The following ATG7 variants were observed in gnomAD, a reference collection of about 807,000 sequenced individuals.
The protein encoded by ATG7 is ubiquitin-like modifier-activating enzyme ATG7.
A neutral mutation model predicts 82.4 loss-of-function variants in ATG7; 70 were observed. That is an observed-to-expected ratio of 0.85 (90% CI 0.70 to 1.04). ATG7 has a LOEUF of 1.04. ATG7 is among the 50% of genes least tolerant of loss of function. The probability of loss-of-function intolerance (pLI) is 0.00; values close to 1 mark genes in which losing one functional copy is unlikely to be tolerated. For missense variants in ATG7, 792 were observed against 864.3 expected, an observed-to-expected ratio of 0.92 and a Z score of 1.05; for synonymous variants, 287 against 313.0, an observed-to-expected ratio of 0.92 and a Z score of 0.88.
At chr3:11,436,855 T>G (rs945487414) in intron 20 of ATG7, among the ~76,000 whole-genome samples, 11 of 152,094 alleles carry the variant, frequency 7.2e-5, no homozygotes, top group African/African-American at 2.7e-4. Context: ...TGTCCAGAGT[T>G]TTAAAGTCCA....
At position 11,333,104 on chromosome 3, in the gene ATG7, G is replaced by C. The variant is rs763947493; in HGVS notation, c.889+11G>C. Reference sequence around the variant, plus strand: ...TGGCATTTAGCCCAGGTAATTTGCCGGTCTTTGAAAATGCATATAATTATC... The same window carrying C: ...TGGCATTTAGCCCAGGTAATTTGCCCGTCTTTGAAAATGCATATAATTATC... On this transcript the variant is annotated intron_variant, in intron 11 of 20. Transcript: ENST00000693202. The C allele has an allele frequency of 3.5e-5, 54 of 1,541,682 alleles. No homozygotes were observed. The East Asian group carries it at 1.3e-3, about 36-fold the overall frequency.
chr3:11,417,268 A>G (rs901446533), intron 19 of ATG7, among the ~76,000 whole-genome samples: 13 of 152,206 alleles, frequency 8.5e-5, no homozygotes, highest in African/African-American at 3.1e-4. Context: ...CTGATAGAGC[A>G]GTATTGAAGT....
chr3:11,554,749 T>C, intron 20 of ATG7, 62 bp from the exon 21 acceptor site: 1 of 1,597,134 alleles, frequency 6.3e-7, no homozygotes, highest in South Asian at 1.1e-5. Context: ...TTTTGAAGCA[T>C]CTGTGTGCCC....
chr3:11,280,179 T>A (rs903955206), intron 1 of ATG7, among the ~76,000 whole-genome samples: 8 of 152,130 alleles, frequency 5.3e-5, no homozygotes, highest in Non-Finnish European at 8.8e-5. Flanking sequence ...TCCGAGTAGC[T>A]GGGATTACAG....
chr3:11,431,024 T>C (rs75326775), intron 20 of ATG7, among the ~76,000 whole-genome samples: 2 of 152,264 alleles, frequency 1.3e-5, no homozygotes, highest in South Asian at 2.1e-4. Flanking sequence ...AGTAGTGTGA[T>C]GTACTTGGAG....
chr3:11,288,848 C>T (rs1344096443), intron 3 of ATG7: 1 of 152,202 alleles, frequency 6.6e-6, no homozygotes, highest in African/African-American at 2.4e-5. Flanking sequence ...GTGGTAGACA[C>T]AGCCCCGGGG....
chr3:11,277,783 G>A (rs1559309762), intron 1 of ATG7, among the ~76,000 whole-genome samples: 2 of 151,584 alleles, frequency 1.3e-5, no homozygotes, highest in South Asian at 2.1e-4. Flanking sequence ...TTACCAGGGT[G>A]GGGTTTCCCA....
chr3:11,562,077 T>C (rs148488597), downstream of ATG7, among the ~76,000 whole-genome samples: 3 of 152,054 alleles, frequency 2.0e-5, no homozygotes, highest in African/African-American at 4.8e-5. Flanking sequence ...TTTGTACTTT[T>C]AGTAAAAACA....
rs151256873 is a variant in ATG7 at position 11,507,522 on chromosome 3, G to A, written c.2080-47289G>A. ...TTTCAAGACAATCCATAAGTATAAT[G>A]TGATATGAAAATACCTATAATTTCT... On this transcript the variant is annotated intron_variant, in intron 20 of 20. Transcript: ENST00000693202. 7.2e-3 allele frequency among the ~76,000 whole-genome samples: 1,096 copies of A among 152,290 alleles called. 9 individuals carry two copies. The highest frequency in any genetic ancestry group is 0.011 in the Non-Finnish European group (744 of 68,040).
At chr3:11,420,753 C>CTTTT (rs869277638) in intron 19 of ATG7, among the ~76,000 whole-genome samples, 8 of 126,042 alleles carry the variant, frequency 6.3e-5, no homozygotes, top group South Asian at 2.5e-4. Flanking sequence ...ATACAAAATA[C>CTTTT]TTTTTTTTTT....
intron 14 of ATG7, among the ~76,000 whole-genome samples, chr3:11,353,662 G>A (rs1032147865): frequency 2.0e-5 from 3 of 152,038 alleles, no homozygotes; most frequent in African/African-American, 7.2e-5. Context: ...CTTAGTTCAC[G>A]TGAGCGAGAG....
At chr3:11,417,834 CAG>C (rs2081533557) in intron 19 of ATG7, among the ~76,000 whole-genome samples, 1 of 114,858 alleles carries the variant, frequency 8.7e-6, no homozygotes, top group Non-Finnish European at 1.7e-5. Context: ...TTTTTTGAGA[CAG>C]AGTCTTGCTC....
intron 20 of ATG7, among the ~76,000 whole-genome samples, chr3:11,433,289 TAAAAAAAAAAA>T (rs56859088): frequency 2.4e-5 from 2 of 83,810 alleles, no homozygotes; most frequent in South Asian, 4.5e-4. Flanking sequence ...GTCTCTTATT[TAAAAAAAAAAA>T]AAAAAAAAAA....
chr3:11,360,757 C>T lies in ATG7; in HGVS notation c.1656C>T (p.Phe552=). 6.2e-7 allele frequency: 1 copy of T among 1,614,186 alleles called. No individual in the cohort carries two copies. The highest frequency in any genetic ancestry group is 8.5e-7 in the Non-Finnish European group (1 of 1,180,014). Residue 552 remains phenylalanine (F), a synonymous_variant, in exon 16 of 21, where the codon TTC becomes TTT. Transcript: ENST00000693202. ...NIPGYKLGCY[F]CNDVVAPGDS... is the part of the protein sequence containing the mutation. ...CTGGTTACAAGCTTGGCTGCTACTT[C>T]TGCAATGATGTGGTGGCCCCAGGAG...
At chr3:11,567,532 C>T in the ATG7 span, among the ~76,000 whole-genome samples, 4 of 152,132 alleles carry the variant, frequency 2.6e-5, no homozygotes, top group Admixed American at 1.3e-4. Context: ...CACATCCTGG[C>T]GATTTTCAAA....
At chr3:11,526,126 C>A (rs1310340979) in intron 20 of ATG7, among the ~76,000 whole-genome samples, 1 of 152,154 alleles carries the variant, frequency 6.6e-6, no homozygotes, top group East Asian at 1.9e-4. Flanking sequence ...CACCATGGTT[C>A]ATGCCTGTAA....
At chr3:11,557,967 A>C (rs1296064847), downstream of ATG7, 1 of 154,014 alleles carries the variant, frequency 6.5e-6, no homozygotes, top group Non-Finnish European at 1.4e-5. Flanking sequence ...CAAACACACA[A>C]ATGGTCAGAA....
At chr3:11,364,769 G>A (rs767033461) in intron 18 of ATG7, 35 bp downstream of exon 18, 1 of 1,608,306 alleles carries the variant, frequency 6.2e-7, no homozygotes, top group Admixed American at 1.7e-5. Flanking sequence ...CAATTCTTTT[G>A]GTACAGGGGG....
At chr3:11,514,840 GTT>G (rs751529129) in intron 20 of ATG7, among the ~76,000 whole-genome samples, 14 of 139,876 alleles carry the variant, frequency 1.0e-4, no homozygotes, top group Admixed American at 1.5e-4. Context: ...TCTGGTCTAG[GTT>G]TTTTTTTTTT....
Sources: allele counts gnomAD v4.1 joint callset (sites outside exome capture counted in the v4.1 genomes callset), GRCh38; gene constraint gnomAD v4.1.1; transcripts MANE v1.5; gene names NCBI Gene and HGNC (gene_info 2026-07-23, HGNC 2026-07-21).